LRMDA: variants seen among roughly 807,000 people sequenced by gnomAD.
LRMDA encodes leucine rich melanocyte differentiation associated, also known as leucine-rich melanocyte differentiation-associated protein.
LRMDA carries 18 observed loss-of-function variants against 29.8 expected under a neutral mutation model. That is an observed-to-expected ratio of 0.60 (90% confidence interval 0.42 to 0.90). The LOEUF is 0.90. Among genes scored for constraint, LRMDA ranks in the 40% least tolerant of loss-of-function variants. The pLI, the probability that LRMDA is intolerant of heterozygous loss-of-function variation, is 0.00. For synonymous variants in LRMDA, 125 were observed against 109.4 expected, an observed-to-expected ratio of 1.14 and a Z score of -0.89; for missense variants, 273 against 273.9, an observed-to-expected ratio of 1.00 and a Z score of 0.02.
intron 6 of LRMDA, among the ~76,000 whole-genome samples, chr10:76,524,792 C>T (rs1017078790): frequency 6.6e-6 from 1 of 152,192 alleles, no homozygotes; most frequent in Non-Finnish European, 1.5e-5. Context: ...AGTGCCATCT[C>T]GCTGGACAAA....
In LRMDA at chr10:76,558,096, C is replaced by T. The variant is rs1473496840; in HGVS notation, c.*808C>T. The T allele has an allele frequency of 6.6e-6, 1 of 152,186 alleles. No homozygotes were observed. The highest frequency in any genetic ancestry group is 1.5e-5 in the Non-Finnish European group (1 of 68,048). 9.4% of individuals were successfully genotyped at this position (152,186 alleles called of 1,614,324 possible). On this transcript the variant is annotated 3_prime_UTR_variant, in exon 7 of 7. Transcript: ENST00000611255. ...AGTGTAAGGCATAAGGCATCTTTCT[C>T]AGCATGAGGGTTTGGTTGCACCAGG...
intron 5 of LRMDA, among the ~76,000 whole-genome samples, chr10:76,278,995 C>T (rs1840169617): frequency 6.6e-6 from 1 of 152,026 alleles, no homozygotes; most frequent in South Asian, 2.1e-4. Flanking sequence ...TTTTCATATC[C>T]ACATTTATTT....
chr10:75,537,233 CA>C (rs1320334983), intron 2 of LRMDA, among the ~76,000 whole-genome samples: 1 of 152,176 alleles, frequency 6.6e-6, no homozygotes, highest in African/African-American at 2.4e-5. Flanking sequence ...TTATAACGTG[CA>C]ACCGCTGATG....
At chr10:76,439,701 C>T (rs1267261019) in intron 6 of LRMDA, among the ~76,000 whole-genome samples, 1 of 152,196 alleles carries the variant, frequency 6.6e-6, no homozygotes. Flanking sequence ...CAAAGTGCCA[C>T]TGCGCCTGCA....
chr10:75,812,317 C>T (rs190184456), intron 2 of LRMDA, among the ~76,000 whole-genome samples: 13 of 151,866 alleles, frequency 8.6e-5, no homozygotes, highest in African/African-American at 9.7e-5. Context: ...CTGTCAAGCC[C>T]GTCAATGTAG....
At chr10:76,275,403 T>C (rs1232654417) in intron 5 of LRMDA, among the ~76,000 whole-genome samples, 1 of 152,084 alleles carries the variant, frequency 6.6e-6, no homozygotes, top group Non-Finnish European at 1.5e-5. Flanking sequence ...TTTTTCTTCA[T>C]TTTGGGGACT....
intron 6 of LRMDA, among the ~76,000 whole-genome samples, chr10:76,460,216 G>A (rs1411559657): frequency 1.3e-5 from 2 of 152,152 alleles, no homozygotes; most frequent in Non-Finnish European, 2.9e-5. Flanking sequence ...AAGCCCCAGT[G>A]TTCACACTGC....
At chr10:76,017,022 C>T (rs190924590) in intron 2 of LRMDA, among the ~76,000 whole-genome samples, 124 of 152,312 alleles carry the variant, frequency 8.1e-4, no homozygotes, top group African/African-American at 2.9e-3. Flanking sequence ...ACCCCCAGTA[C>T]CTCAGAAGGT....
chr10:75,904,133 C>G (rs1181760060), intron 2 of LRMDA, among the ~76,000 whole-genome samples: 1 of 152,174 alleles, frequency 6.6e-6, no homozygotes. Flanking sequence ...TTCTAAAAAA[C>G]TACCATAGGT....
chr10:76,480,254 T>A (rs985622321), intron 6 of LRMDA, among the ~76,000 whole-genome samples: 1 of 151,954 alleles, frequency 6.6e-6, no homozygotes, highest in Non-Finnish European at 1.5e-5. Context: ...AATGTTGGAA[T>A]CTACTGATAT....
At chr10:76,392,409 G>T (rs182546557) in intron 6 of LRMDA, among the ~76,000 whole-genome samples, 200 of 152,192 alleles carry the variant, frequency 1.3e-3, no homozygotes, top group African/African-American at 3.9e-3. Flanking sequence ...GCTGAAAGGG[G>T]TTAAATAATA....
chr10:75,682,200 C>T (rs1028320983), intron 2 of LRMDA, among the ~76,000 whole-genome samples: 1 of 152,190 alleles, frequency 6.6e-6, no homozygotes, highest in Non-Finnish European at 1.5e-5. Flanking sequence ...AACCACTACT[C>T]TAACTGTGAA....
At chr10:76,239,934 A>G (rs1340885799) in intron 5 of LRMDA, among the ~76,000 whole-genome samples, 2 of 151,960 alleles carry the variant, frequency 1.3e-5, no homozygotes, top group Non-Finnish European at 2.9e-5. Context: ...TATAATGTAT[A>G]TATACATACA....
intron 2 of LRMDA, among the ~76,000 whole-genome samples, chr10:75,910,756 A>G (rs1845829045): frequency 6.6e-6 from 1 of 152,194 alleles, no homozygotes. Context: ...TATCATAGCC[A>G]GGCCAAGTTC....
At chr10:76,522,143 A>G (rs980108483) in intron 6 of LRMDA, among the ~76,000 whole-genome samples, 2 of 152,188 alleles carry the variant, frequency 1.3e-5, no homozygotes, top group African/African-American at 4.8e-5. Flanking sequence ...TTCAATAAAC[A>G]TGTGTATATT....
chr10:75,887,694 C>T (rs889974755), intron 2 of LRMDA, among the ~76,000 whole-genome samples: 1 of 152,024 alleles, frequency 6.6e-6, no homozygotes, highest in Admixed American at 6.6e-5. Flanking sequence ...ACTATCTGGC[C>T]CTTTACAGAA....
chr10:76,273,981 G>T (rs1243074169), intron 5 of LRMDA, among the ~76,000 whole-genome samples: 2 of 151,952 alleles, frequency 1.3e-5, no homozygotes, highest in African/African-American at 4.8e-5. Flanking sequence ...GACAGAGCAG[G>T]ATTTACTTTT....
chr10:75,454,730 G>A (rs1472363047), intron 2 of LRMDA, among the ~76,000 whole-genome samples: 1 of 152,174 alleles, frequency 6.6e-6, no homozygotes, highest in Non-Finnish European at 1.5e-5. Context: ...ATATCACAGA[G>A]AGCTAACCAT....
At chr10:75,605,568 C>G (rs778079077) in intron 2 of LRMDA, among the ~76,000 whole-genome samples, 4 of 152,240 alleles carry the variant, frequency 2.6e-5, no homozygotes, top group African/African-American at 4.8e-5. Flanking sequence ...TGGAGAGTGA[C>G]AGCAGGACCC....
Sources: allele counts gnomAD v4.1 joint callset (sites outside exome capture counted in the v4.1 genomes callset), GRCh38; gene constraint gnomAD v4.1.1; transcripts MANE v1.5; gene names NCBI Gene and HGNC (gene_info 2026-07-23, HGNC 2026-07-21).